NEDD4L: variants seen among roughly 807,000 people sequenced by gnomAD.
NEDD4L encodes NEDD4 like E3 ubiquitin protein ligase.
A neutral mutation model predicts 148.9 loss-of-function variants in NEDD4L; 54 were observed. That is an observed-to-expected ratio of 0.36 (90% CI 0.29 to 0.45). The LOEUF (loss-of-function observed/expected upper bound fraction) is 0.45. Among genes scored for constraint, NEDD4L ranks in the 20% least tolerant of loss-of-function variants. NEDD4L has a pLI of 1.00. For synonymous variants in NEDD4L, 433 were observed against 440.7 expected (o/e 0.98, Z 0.22); for missense variants, 856 against 1,233.8 (o/e 0.69, Z 4.59).
chr18:58,177,383 T>C (rs1007281042), intron 2 of NEDD4L, among the ~76,000 whole-genome samples: 2 of 152,190 alleles, frequency 1.3e-5, no homozygotes, highest in Admixed American at 6.5e-5. Context: ...GGAAAATATT[T>C]ATTTAACAAA....
chr18:58,272,845 A>G (rs1371888342), intron 5 of NEDD4L, among the ~76,000 whole-genome samples: 2 of 152,188 alleles, frequency 1.3e-5, no homozygotes, highest in Non-Finnish European at 2.9e-5. Flanking sequence ...GCCCTTGTGG[A>G]GACTGCAGAC....
intron 1 of NEDD4L, among the ~76,000 whole-genome samples, chr18:58,063,036 G>GTTGTTTTT (rs1555679333): frequency 1.5e-5 from 1 of 67,246 alleles, no homozygotes; most frequent in Non-Finnish European, 3.0e-5. Context: ...TCATTTATTT[G>GTTGTTTTT]TTCTTTTTTT....
intron 1 of NEDD4L, among the ~76,000 whole-genome samples, chr18:58,068,585 G>T (rs1424633955): frequency 6.6e-6 from 1 of 152,208 alleles, no homozygotes; most frequent in African/African-American, 2.4e-5. Flanking sequence ...ATGGAAAAAT[G>T]ATTTACTTGC....
In NEDD4L at chr18:58,199,961, G is replaced by T. The variant is rs149013998; in HGVS notation, c.122+34100G>T. Reference sequence around the variant, plus strand: ...ATAGGGGAAACTGGCTTCAGGGTACGTGGGGACTCTATCTTATCTTTATAA... The same window carrying T: ...ATAGGGGAAACTGGCTTCAGGGTACTTGGGGACTCTATCTTATCTTTATAA... On this transcript the variant is annotated intron_variant, in intron 2 of 30. Coordinates refer to ENST00000400345, the MANE Select transcript of NEDD4L (RefSeq NM_001144967.3). Among the ~76,000 whole-genome samples the T allele has an allele frequency of 8.6e-4, 131 of 152,308 alleles. 1 individual carries two copies. Among genetic ancestry groups the T allele is most frequent in the African/African-American group, 2.9e-3 (121 of 41,566 alleles).
chr18:58,329,915 G>A (rs1842414923), intron 10 of NEDD4L, among the ~76,000 whole-genome samples: 1 of 152,102 alleles, frequency 6.6e-6, no homozygotes. Context: ...TTGAGCTGTT[G>A]AATGAGCCCT....
intron 5 of NEDD4L, among the ~76,000 whole-genome samples, chr18:58,264,420 A>C (rs1405520894): frequency 1.3e-5 from 2 of 152,044 alleles, no homozygotes; most frequent in Non-Finnish European, 2.9e-5. Context: ...CAGAGCTGTG[A>C]GTTGCCTTGG....
At chr18:58,145,748 G>A (rs960506511) in intron 1 of NEDD4L, among the ~76,000 whole-genome samples, 1 of 151,994 alleles carries the variant, frequency 6.6e-6, no homozygotes, top group Non-Finnish European at 1.5e-5. Flanking sequence ...TCTACTTAAG[G>A]CTCTTTGTAT....
At chr18:58,092,499 A>G (rs1436917674) in intron 1 of NEDD4L, among the ~76,000 whole-genome samples, 1 of 152,144 alleles carries the variant, frequency 6.6e-6, no homozygotes, top group Non-Finnish European at 1.5e-5. Flanking sequence ...GGGAAGGAGC[A>G]CTAGGCAGGG....
chr18:58,224,440 A>G (rs2044129089), intron 2 of NEDD4L, among the ~76,000 whole-genome samples: 1 of 152,192 alleles, frequency 6.6e-6, no homozygotes, highest in Non-Finnish European at 1.5e-5. Flanking sequence ...ACTGGAAGGA[A>G]GTCTCTAACT....
chr18:58,045,586 CT>C (rs2081541176), intron 1 of NEDD4L: 1 of 153,286 alleles, frequency 6.5e-6, no homozygotes, highest in African/African-American at 2.4e-5. Context: ...GCCTAGTCCT[CT>C]CTCGACCAGC....
chr18:58,316,019 T>C lies in NEDD4L; in HGVS notation c.335T>C (p.Leu112Pro), dbSNP rs1568669229. Residue 112 changes from leucine (L) to proline (P), a missense_variant, in exon 6 of 31, where the codon CTT becomes CCT. Physicochemically the swap from Leu to Pro is moderately conservative, Grantham distance 98. This residue lies in a region of NEDD4L where 193 missense variants were observed against 244.2 expected (regional missense o/e 0.79). Transcript: ENST00000400345. ...TTCCTGGGCCAGGTGGACGTGCCCC[T>C]TAGTCACCTTCCGGTAAGGACAGTC... ...DDFLGQVDVP[L>P]SHLPTEDPTM... 1 of 1,613,414 alleles carries C rather than the reference T, an allele frequency of 6.2e-7. No homozygotes were observed.
At chr18:58,120,384 A>G (rs2086152965) in intron 1 of NEDD4L, among the ~76,000 whole-genome samples, 1 of 152,220 alleles carries the variant, frequency 6.6e-6, no homozygotes, top group African/African-American at 2.4e-5. Context: ...AATTACAGTT[A>G]CCTCACTGGG....
At chr18:58,234,924 T>C (rs1375462703) in intron 2 of NEDD4L, among the ~76,000 whole-genome samples, 1 of 152,080 alleles carries the variant, frequency 6.6e-6, no homozygotes, top group Non-Finnish European at 1.5e-5. Flanking sequence ...GTTAACTCCA[T>C]GTGAGGGAGG....
At chr18:58,248,852 T>C (rs1327632441) in intron 3 of NEDD4L, 47 bp from the exon 4 acceptor site, 5 of 1,001,348 alleles carry the variant, frequency 5.0e-6, no homozygotes, top group South Asian at 1.4e-5. Flanking sequence ...TAGTAACTGC[T>C]AATGTTTGAA....
At position 58,329,118 on chromosome 18, in the gene NEDD4L, T is replaced by A; in HGVS notation, c.804T>A (p.Asp268Glu). The A allele has an allele frequency of 6.2e-7, 1 of 1,613,912 alleles. No homozygotes were observed. Among genetic ancestry groups the A allele is most frequent in the Admixed American group, 1.7e-5 (1 of 60,016 alleles). The stretch of plus-strand genomic sequence containing the variant: ...AGCCCGAGCCCTCGGAGGGCGGGGA[T>A]GTCCCCGAGGTACGATGTCCCCAGA... ...DLEPEPSEGG[D>E]VPEPWETISE... Residue 268 changes from aspartate (D) to glutamate (E), a missense_variant, in exon 10 of 31, where the codon GAT becomes GAA. Physicochemically the swap from Asp to Glu is conservative, Grantham distance 45. Coordinates refer to ENST00000400345, the MANE Select transcript of NEDD4L (RefSeq NM_001144967.3).
chr18:58,282,621 G>A (rs1213501168), intron 5 of NEDD4L, among the ~76,000 whole-genome samples: 1 of 152,164 alleles, frequency 6.6e-6, no homozygotes, highest in Non-Finnish European at 1.5e-5. Context: ...AGCTTCTCTT[G>A]ACATTTTGTT....
intron 1 of NEDD4L, among the ~76,000 whole-genome samples, chr18:58,102,206 T>C (rs765736124): frequency 1.1e-3 from 165 of 152,258 alleles, no homozygotes; most frequent in Non-Finnish European, 1.1e-3. Flanking sequence ...TACATTTCCA[T>C]TGTGTGAGAG....
At chr18:58,114,840 G>A (rs549502105) in intron 1 of NEDD4L, among the ~76,000 whole-genome samples, 28 of 152,320 alleles carry the variant, frequency 1.8e-4, no homozygotes, top group African/African-American at 6.7e-4. Flanking sequence ...AAAGCCAGCA[G>A]AGTAGCATCT....
chr18:58,355,912 C>G (rs1024867436), intron 18 of NEDD4L, among the ~76,000 whole-genome samples: 1 of 151,856 alleles, frequency 6.6e-6, no homozygotes, highest in Admixed American at 6.6e-5. Context: ...TTCTTATCAG[C>G]TCACTTACAG....
Sources: allele counts gnomAD v4.1 joint callset (sites outside exome capture counted in the v4.1 genomes callset), GRCh38; gene constraint gnomAD v4.1.1; regional missense constraint gnomAD v4.1.1; transcripts MANE v1.5; gene names NCBI Gene and HGNC (gene_info 2026-07-23, HGNC 2026-07-21).